The following ADGRB3 variants were observed in gnomAD, a reference collection of about 807,000 sequenced individuals.
ADGRB3 encodes brain-specific angiogenesis inhibitor 3.
ADGRB3 carries 37 observed loss-of-function variants against 193.4 expected under a neutral mutation model. That is an observed-to-expected ratio of 0.19 (90% CI 0.15 to 0.25). The LOEUF (loss-of-function observed/expected upper bound fraction) is 0.25. Ranked by LOEUF, ADGRB3 falls within the 10% of genes least tolerant of loss-of-function variation. ADGRB3 has a pLI of 1.00. For synonymous variants in ADGRB3, 690 were observed against 644.2 expected (o/e 1.07, Z -1.08); for missense variants, 1,637 against 1,852.9 (o/e 0.88, Z 2.14).
chr6:68,912,499 C>T (rs2150238000), intron 3 of ADGRB3, among the ~76,000 whole-genome samples: 1 of 152,096 alleles, frequency 6.6e-6, no homozygotes, highest in Middle Eastern at 3.4e-3. Context: ...GGTATATCTC[C>T]TAATGCTATC....
rs79093720 is a variant in ADGRB3, at chr6:68,924,858, A to G, written c.758-5701A>G. On this transcript the variant is annotated intron_variant, in intron 3 of 31. Transcript: ENST00000370598. ...CTTAAATGTTAATGATATATTTATC[A>G]GATTTCTACTATTTTTAATATTGAT... Among the ~76,000 whole-genome samples the G allele has an allele frequency of 6.5e-3, 989 of 152,082 alleles. 10 individuals are homozygous for G. Among genetic ancestry groups the G allele is most frequent in the African/African-American group, 0.022 (901 of 41,544 alleles).
chr6:69,036,228 A>C (rs957315250), intron 13 of ADGRB3, among the ~76,000 whole-genome samples: 2 of 152,196 alleles, frequency 1.3e-5, no homozygotes, highest in Non-Finnish European at 2.9e-5. Flanking sequence ...AAGAGTTGGC[A>C]TGAATTGAAT....
intron 11 of ADGRB3, among the ~76,000 whole-genome samples, chr6:69,006,513 C>CT (rs1028450337): frequency 1.3e-4 from 18 of 135,856 alleles, no homozygotes; most frequent in East Asian, 2.3e-4. Context: ...TTTTTTTTTT[C>CT]TTTTTTTTTT....
intron 3 of ADGRB3, among the ~76,000 whole-genome samples, chr6:68,798,391 G>A (rs1386249394): frequency 1.3e-5 from 2 of 152,082 alleles, no homozygotes; most frequent in Non-Finnish European, 2.9e-5. Flanking sequence ...CTAATGCAAT[G>A]GAATACTAAA....
intron 16 of ADGRB3, 141 bp downstream of exon 16, chr6:69,063,177 A>G: frequency 3.7e-6 from 2 of 545,770 alleles, no homozygotes; most frequent in South Asian, 6.6e-5. Context: ...TGTGTATTAT[A>G]AAGAAACAGA....
intron 3 of ADGRB3, among the ~76,000 whole-genome samples, chr6:68,767,873 A>G (rs1316092208): frequency 1.3e-5 from 2 of 152,216 alleles, no homozygotes; most frequent in Non-Finnish European, 2.9e-5. Flanking sequence ...TGCAAAAATC[A>G]CAAGCATCCC....
At chr6:69,078,142 AAAT>A (rs1410326258) in intron 17 of ADGRB3, among the ~76,000 whole-genome samples, 6 of 152,052 alleles carry the variant, frequency 3.9e-5, no homozygotes, top group African/African-American at 1.4e-4. Flanking sequence ...CGGCTGTCTT[AAAT>A]ATTTTCAAGA....
At chr6:69,109,253 G>A (rs1356493904) in intron 17 of ADGRB3, among the ~76,000 whole-genome samples, 1 of 152,160 alleles carries the variant, frequency 6.6e-6, no homozygotes, top group Non-Finnish European at 1.5e-5. Context: ...TGACAAAGGA[G>A]AAGTGTCTTT....
chr6:68,999,298 A>G (rs1271051723), intron 11 of ADGRB3, among the ~76,000 whole-genome samples: 2 of 139,584 alleles, frequency 1.4e-5, no homozygotes, highest in African/African-American at 5.4e-5. Context: ...GGAGTCTCGC[A>G]CTGTCGCCCA....
At chr6:69,273,973 G>A (rs1486689089) in intron 20 of ADGRB3, among the ~76,000 whole-genome samples, 1 of 152,154 alleles carries the variant, frequency 6.6e-6, no homozygotes, top group African/African-American at 2.4e-5. Flanking sequence ...AAGCTGATCT[G>A]TCTATATGAG....
intron 17 of ADGRB3, among the ~76,000 whole-genome samples, chr6:69,114,018 A>G (rs1773450615): frequency 6.6e-6 from 1 of 152,198 alleles, no homozygotes; most frequent in South Asian, 2.1e-4. Flanking sequence ...GCCCAGGACA[A>G]TGAATGGCCC....
chr6:69,210,733 G>A (rs1393572698), intron 17 of ADGRB3, among the ~76,000 whole-genome samples: 2 of 152,002 alleles, frequency 1.3e-5, no homozygotes, highest in Non-Finnish European at 2.9e-5. Context: ...TGTTAAAATG[G>A]CAAATAAATT....
intron 3 of ADGRB3, among the ~76,000 whole-genome samples, chr6:68,904,591 C>G (rs146528190): frequency 3.1e-3 from 478 of 152,282 alleles, no homozygotes; most frequent in African/African-American, 0.011. Flanking sequence ...TTATCTGATA[C>G]TATTCATTTG....
At chr6:69,031,582 GTCTC>G (rs1562129476) in intron 13 of ADGRB3, among the ~76,000 whole-genome samples, 1 of 3,752 alleles carries the variant, frequency 2.7e-4, no homozygotes, top group Non-Finnish European at 7.8e-4. Flanking sequence ...CTCTGTCTCT[GTCTC>G]TCTTTCTTTC....
chr6:68,866,342 G>T (rs895917285), intron 3 of ADGRB3, among the ~76,000 whole-genome samples: 3 of 152,100 alleles, frequency 2.0e-5, no homozygotes, highest in Non-Finnish European at 4.4e-5. Flanking sequence ...TTCTCCTGCT[G>T]CCATGTAAGA....
chr6:69,046,719 C>T (rs1318869916), intron 13 of ADGRB3, among the ~76,000 whole-genome samples: 1 of 152,124 alleles, frequency 6.6e-6, no homozygotes, highest in Non-Finnish European at 1.5e-5. Context: ...ATGTGATATA[C>T]TAATACATAA....
At chr6:69,055,496 ATTG>A (rs1336346848) in intron 15 of ADGRB3, among the ~76,000 whole-genome samples, 2 of 152,114 alleles carry the variant, frequency 1.3e-5, no homozygotes, top group African/African-American at 4.8e-5. Context: ...AGAATATTTC[ATTG>A]TTTATGTATA....
intron 3 of ADGRB3, among the ~76,000 whole-genome samples, chr6:68,704,651 G>A (rs1765294967): frequency 6.6e-6 from 1 of 152,134 alleles, no homozygotes; most frequent in Admixed American, 6.5e-5. Flanking sequence ...ACTTTGAAAT[G>A]TCCAGTTTAA....
At chr6:68,787,676 G>A (rs1409847998) in intron 3 of ADGRB3, among the ~76,000 whole-genome samples, 1 of 152,178 alleles carries the variant, frequency 6.6e-6, no homozygotes, top group Non-Finnish European at 1.5e-5. Context: ...CATAAAATGA[G>A]TTAGGGAGGA....
Sources: gnomAD v4.1 joint callset for allele counts (sites outside exome capture counted in the v4.1 genomes callset) on GRCh38, gnomAD v4.1.1 for gene constraint, MANE v1.5 for transcripts, NCBI Gene and HGNC (gene_info 2026-07-23, HGNC 2026-07-21) for gene names.